The following ARFGAP1 variants were observed in gnomAD, a reference collection of about 807,000 sequenced individuals.
ARFGAP1 encodes ARF GTPase activating protein 1.
A neutral mutation model predicts 54.0 loss-of-function variants in ARFGAP1; 26 were observed. The ratio of observed to expected loss-of-function variants is 0.48; its 90% confidence interval spans 0.35 to 0.67. The LOEUF (loss-of-function observed/expected upper bound fraction) is 0.67. Among genes scored for constraint, ARFGAP1 ranks in the 30% least tolerant of loss-of-function variants. The pLI, the probability that ARFGAP1 is intolerant of heterozygous loss-of-function variation, is 0.00. For missense variants in ARFGAP1, 525 were observed against 535.8 expected (o/e 0.98, Z 0.20); for synonymous variants, 248 against 211.9 (o/e 1.17, Z -1.48).
chr20:63,281,441 G>C, intron 8 of ARFGAP1, 94 bp downstream of exon 8: 1 of 1,432,554 alleles, frequency 7.0e-7, no homozygotes, highest in East Asian at 2.5e-5. Flanking sequence ...CAGAAGGGAT[G>C]TGGGACACAG....
intron 7 of ARFGAP1, among the ~76,000 whole-genome samples, chr20:63,280,542 T>C (rs1474478119): frequency 1.3e-5 from 2 of 152,388 alleles, no homozygotes; most frequent in East Asian, 3.9e-4. Context: ...GATGTCTTCA[T>C]CTGCAAGAGC....
At chr20:63,273,214 C>G (rs2067148379) in intron 1 of ARFGAP1, 1 of 152,074 alleles carries the variant, frequency 6.6e-6, no homozygotes, top group Non-Finnish European at 1.5e-5. Context: ...ACCCGCACCC[C>G]GGATCTGGAA....
chr20:63,285,074 G>T, intron 10 of ARFGAP1, 152 bp downstream of exon 10: 4 of 967,994 alleles, frequency 4.1e-6, no homozygotes, highest in Non-Finnish European at 6.2e-6. Context: ...CGTCCTCCTC[G>T]GGGCCTGGGC....
rs1358872820 is a variant in ARFGAP1 at position 63,287,526 on chromosome 20, AAC to A, written c.912-36_912-35del. 8 of 1,524,314 alleles carry A rather than the reference AAC, an allele frequency of 5.2e-6. No individual in the cohort carries two copies. In the Admixed American group the frequency reaches 6.0e-5, roughly 11 times the overall value. The allele number at this position is 1,524,314 out of a possible 1,614,324, so 94.4% of individuals were successfully genotyped here. On this transcript the variant is annotated intron_variant, in intron 12 of 12. Coordinates refer to ENST00000370283, the MANE Select transcript of ARFGAP1 (RefSeq NM_018209.4). ...CAGAATTCCCAGTGGTGGACTGAGTAACAGTCATTTAGAGTCCCCCTTCTGTC... is the reference window on the plus strand; with the variant it reads ...CAGAATTCCCAGTGGTGGACTGAGTAAGTCATTTAGAGTCCCCCTTCTGTC...
rs1305958783 is a variant in ARFGAP1 at position 63,283,287 on chromosome 20, C to T, written c.717+436C>T. 25 of 223,444 alleles carry T rather than the reference C, an allele frequency of 1.1e-4. No homozygotes were observed. In the East Asian group the frequency reaches 2.6e-3, roughly 23 times the overall value. The allele number at this position is 223,444 out of a possible 1,614,324, so 13.8% of individuals were successfully genotyped here. On this transcript the variant is annotated intron_variant, in intron 9 of 12. Transcript: ENST00000370283. Reference sequence around the variant, plus strand: ...TGCTCTGGCCAGGGCTTCCCCCAGTCGGGGCAGTGTGGCCTCAGGCCTTTG... The same window carrying T: ...TGCTCTGGCCAGGGCTTCCCCCAGTTGGGGCAGTGTGGCCTCAGGCCTTTG...
intron 11 of ARFGAP1, chr20:63,285,954 T>C (rs2067524564): frequency 6.7e-7 from 1 of 1,501,878 alleles, no homozygotes; most frequent in African/African-American, 1.4e-5. Flanking sequence ...ATCTTGCTGC[T>C]GCTGGCCTTT....
intron 5 of ARFGAP1, 72 bp downstream of exon 5, chr20:63,277,377 G>T: frequency 7.6e-7 from 1 of 1,312,914 alleles, no homozygotes; most frequent in South Asian, 1.4e-5. Flanking sequence ...GTTTCCCACA[G>T]AATTCTCCCC....
intron 9 of ARFGAP1, chr20:63,283,838 C>T (rs202177677): frequency 1.5e-5 from 25 of 1,613,568 alleles, no homozygotes; most frequent in Non-Finnish European, 1.7e-6. Flanking sequence ...TGTCTTCTTG[C>T]TGTCGGGTAA....
In ARFGAP1 at chr20:63,276,226, G is replaced by A; in HGVS notation, c.170+26G>A. On this transcript the variant is annotated intron_variant, in intron 3 of 12. Coordinates refer to ENST00000370283, the MANE Select transcript of ARFGAP1 (RefSeq NM_018209.4). This position sits in a 1 kb window ranked among gnomAD's most constrained non-coding sequence, Gnocchi z 5.2. ...GTCAGTGTCCTGCCGCTCTGGCTCTGCGGAGAGCCTGCGGCCACCCCAGCA... is the reference window on the plus strand; with the variant it reads ...GTCAGTGTCCTGCCGCTCTGGCTCTACGGAGAGCCTGCGGCCACCCCAGCA... 4 of 1,609,656 alleles carry A rather than the reference G, an allele frequency of 2.5e-6. No homozygotes were observed. Among genetic ancestry groups the A allele is most frequent in the Non-Finnish European group, 3.4e-6 (4 of 1,176,594 alleles).
chr20:63,274,335 T>C (rs11905562), intron 1 of ARFGAP1: 1 of 19,112 alleles, frequency 5.2e-5, no homozygotes, highest in Non-Finnish European at 1.1e-4. Flanking sequence ...CCCCGCCCAG[T>C]GAATATCTTA....
At chr20:63,284,029 C>CT in intron 9 of ARFGAP1, 1 of 1,464,600 alleles carries the variant, frequency 6.8e-7, no homozygotes, top group Non-Finnish European at 9.1e-7. Flanking sequence ...GTCCGTGGCT[C>CT]TCCTTTAAGA....
At chr20:63,286,553 T>C in intron 12 of ARFGAP1, 111 bp downstream of exon 12, 1 of 1,079,252 alleles carries the variant, frequency 9.3e-7, no homozygotes, top group African/African-American at 1.6e-5. Flanking sequence ...GAAGGGGCAC[T>C]GTGGAGGCTC....
At chr20:63,285,587 G>A in intron 10 of ARFGAP1, 67 bp from the exon 11 acceptor site, 14 of 1,537,476 alleles carry the variant, frequency 9.1e-6, no homozygotes, top group Admixed American at 1.7e-5. Context: ...GGGGATTCCT[G>A]CACTCCTGAA....
At chr20:63,285,347 G>C in intron 10 of ARFGAP1, 1 of 515,350 alleles carries the variant, frequency 1.9e-6, no homozygotes, top group Non-Finnish European at 3.5e-6. Context: ...TGCCTCCTTC[G>C]GGGCCTGACT....
At position 63,275,543 on chromosome 20, in the gene ARFGAP1, G is replaced by A. The variant is rs745940104; in HGVS notation, c.-4-34G>A. 3.1e-6 allele frequency: 5 copies of A among 1,604,260 alleles called. No homozygotes were observed. The East Asian group carries it at 8.9e-5, about 29-fold the overall frequency. On this transcript the variant is annotated intron_variant, in intron 1 of 12. Coordinates refer to ENST00000370283, the MANE Select transcript of ARFGAP1 (RefSeq NM_018209.4). ...TTCTTTTTTGTAGAGTAGCCTGTTT[G>A]TAAGTTTAAAGTGTTTATTTTTCTC...
rs116583146 is a variant in ARFGAP1 at position 63,288,878 on chromosome 20, A to C, written c.*1005A>C. The C allele has an allele frequency of 5.2e-3, 1,420 of 271,856 alleles. 25 individuals carry two copies. Among genetic ancestry groups the C allele is most frequent in the African/African-American group, 0.029 (1,338 of 46,036 alleles). The allele number at this position is 271,856 out of a possible 1,614,324, so 16.8% of individuals were successfully genotyped here. ...TCTTGGCCAGCCATGCATGCGCCCG[A>C]AGCTCGTGCAGTTTGTACGTGAGGT... On this transcript the variant is annotated 3_prime_UTR_variant, in exon 13 of 13. Transcript: ENST00000370283.
chr20:63,286,463 G>A (rs779226256), intron 12 of ARFGAP1, 21 bp downstream of exon 12: 10 of 1,609,386 alleles, frequency 6.2e-6, no homozygotes, highest in Non-Finnish European at 8.5e-6. Flanking sequence ...TCCCCTCCTG[G>A]GCCTTGCATC....
At chr20:63,280,728 T>C (rs964565284) in intron 7 of ARFGAP1, among the ~76,000 whole-genome samples, 4 of 152,250 alleles carry the variant, frequency 2.6e-5, no homozygotes, top group Admixed American at 6.5e-5. Context: ...TGCCTTTTGC[T>C]GGGAAGCTGC....
At chr20:63,284,539 G>A (rs1219296530) in intron 9 of ARFGAP1, 14 of 1,203,580 alleles carry the variant, frequency 1.2e-5, no homozygotes, top group African/African-American at 6.2e-5. Flanking sequence ...TGCAGCCGGC[G>A]TTGGCCTCAG....
Sources: gnomAD v4.1 joint callset for allele counts (sites outside exome capture counted in the v4.1 genomes callset) on GRCh38, gnomAD v4.1.1 for gene constraint, Gnocchi (gnomAD v3.1) non-coding constraint, MANE v1.5 for transcripts, NCBI Gene and HGNC (gene_info 2026-07-23, HGNC 2026-07-21) for gene names.